Variants in COL21A1 observed in about 807,000 individuals in gnomAD.
COL21A1 encodes collagen type XXI alpha 1 chain, also known as collagen alpha-1(XXI) chain.
A neutral mutation model predicts 137.9 loss-of-function variants in COL21A1; 149 were observed. The ratio of observed to expected loss-of-function variants is 1.08; its 90% CI spans 0.95 to 1.24. The LOEUF is 1.24. Ranked by LOEUF, COL21A1 falls within the 50% of genes most tolerant of loss-of-function variation. The pLI, the probability that COL21A1 is intolerant of heterozygous loss-of-function variation, is 0.00. For missense variants in COL21A1, 1,167 were observed against 1,158.4 expected (o/e 1.01, Z -0.11); for synonymous variants, 456 against 391.5 (o/e 1.16, Z -1.95).
rs1286078327 is a variant in COL21A1 at position 56,061,012 on chromosome 6, A to T, written c.2231T>A (p.Val744Asp). The T allele has an allele frequency of 1.2e-6, 2 of 1,607,366 alleles. No homozygotes were observed. Among genetic ancestry groups the T allele is most frequent in the Middle Eastern group, 1.7e-4 (1 of 6,020 alleles). ...TCCTTTTGATCCAATGGCACCTCGGACACCAGGTTCTCCCTTTTCACCTCT... is the reference window on the plus strand; with the variant it reads ...TCCTTTTGATCCAATGGCACCTCGGTCACCAGGTTCTCCCTTTTCACCTCT... ...GERGEKGEPG[V>D]RGAIGSKGES... Residue 744 changes from valine (V) to aspartate (D), a missense_variant, in exon 26 of 30, where the codon GTC becomes GAC. By Grantham distance (152) the Val-to-Asp change is radical. Coordinates refer to ENST00000244728, the MANE Select transcript of COL21A1 (RefSeq NM_030820.4).
chr6:56,300,475 A>T (rs1485432753), intron 1 of COL21A1, among the ~76,000 whole-genome samples: 1 of 152,156 alleles, frequency 6.6e-6, no homozygotes, highest in Non-Finnish European at 1.5e-5. Context: ...AATGTCTTCT[A>T]AAAAACTGGG....
chr6:56,088,620 A>G (rs1768490974), intron 17 of COL21A1, among the ~76,000 whole-genome samples: 1 of 152,114 alleles, frequency 6.6e-6, no homozygotes, highest in Non-Finnish European at 1.5e-5. Context: ...ACCTCAATCT[A>G]TGGTACATAT....
intron 1 of COL21A1, among the ~76,000 whole-genome samples, chr6:56,279,858 C>T (rs572573495): frequency 3.7e-4 from 57 of 152,290 alleles, no homozygotes; most frequent in African/African-American, 1.3e-3. Flanking sequence ...ATCTGTAAGA[C>T]TACCAACCTC....
intron 1 of COL21A1, among the ~76,000 whole-genome samples, chr6:56,263,722 T>A (rs1300382233): frequency 3.9e-5 from 6 of 152,228 alleles, no homozygotes; most frequent in African/African-American, 1.4e-4. Flanking sequence ...AGTTCTATTT[T>A]GTTGTTACCC....
chr6:56,354,936 T>C (rs1765798218), intron 1 of COL21A1, among the ~76,000 whole-genome samples: 1 of 152,152 alleles, frequency 6.6e-6, no homozygotes, highest in South Asian at 2.1e-4. Flanking sequence ...GTAATCCTCA[T>C]TGGTCACCAT....
chr6:56,269,030 A>G (rs1045385945), intron 1 of COL21A1, among the ~76,000 whole-genome samples: 2 of 152,238 alleles, frequency 1.3e-5, no homozygotes, highest in Admixed American at 6.5e-5. Context: ...TCTGAGCTCA[A>G]AGACCAGTTC....
chr6:56,145,132 T>C (rs1357771572), intron 10 of COL21A1, among the ~76,000 whole-genome samples: 3 of 152,224 alleles, frequency 2.0e-5, no homozygotes, highest in African/African-American at 7.2e-5. Flanking sequence ...CCAGTCATCA[T>C]CTTTATGATT....
chr6:56,229,709 T>C lies in COL21A1; in HGVS notation c.-39+17678A>G, dbSNP rs369980364. ...TAAGGGTAAAGAGCTCTGGAGGTTC[T>C]CACACTGAAAATAAATGTTCCAGTG... On this transcript the variant is annotated intron_variant, in intron 1 of 29. Coordinates refer to ENST00000244728, the MANE Select transcript of COL21A1 (RefSeq NM_030820.4). Among the ~76,000 whole-genome samples the C allele has an allele frequency of 1.2e-4, 19 of 152,088 alleles. No homozygotes were observed. In the East Asian group the frequency reaches 2.3e-3, roughly 19 times the overall value.
chr6:56,335,396 CTA>C (rs1765313071), intron 1 of COL21A1, among the ~76,000 whole-genome samples: 1 of 152,162 alleles, frequency 6.6e-6, no homozygotes, highest in African/African-American at 2.4e-5. Flanking sequence ...ATTGCTATCT[CTA>C]GTGACAATCC....
intron 1 of COL21A1, among the ~76,000 whole-genome samples, chr6:56,255,875 A>G (rs1336202963): frequency 6.6e-6 from 1 of 152,124 alleles, no homozygotes; most frequent in African/African-American, 2.4e-5. Flanking sequence ...GTCTGAGAGG[A>G]GGGGACGGCA....
At chr6:56,255,412 T>C (rs1782945678) in intron 1 of COL21A1, among the ~76,000 whole-genome samples, 1 of 151,666 alleles carries the variant, frequency 6.6e-6, no homozygotes, top group African/African-American at 2.4e-5. Context: ...TCTAATTGCA[T>C]AGAGCGCTGT....
intron 1 of COL21A1, among the ~76,000 whole-genome samples, chr6:56,351,742 G>A (rs758031898): frequency 6.6e-6 from 1 of 152,188 alleles, no homozygotes; most frequent in Non-Finnish European, 1.5e-5. Flanking sequence ...AACCACTGCT[G>A]GAAGAAGGTG....
intron 1 of COL21A1, among the ~76,000 whole-genome samples, chr6:56,226,636 C>T (rs1365414736): frequency 6.6e-6 from 1 of 151,868 alleles, no homozygotes; most frequent in Non-Finnish European, 1.5e-5. Flanking sequence ...ACTGTGAAAC[C>T]CCATTTTCCT....
chr6:56,214,804 T>G (rs1458702573), intron 1 of COL21A1, among the ~76,000 whole-genome samples: 5 of 152,098 alleles, frequency 3.3e-5, no homozygotes, highest in African/African-American at 1.2e-4. Context: ...TTATTAAAAG[T>G]TTTTACCCTT....
intron 3 of COL21A1, among the ~76,000 whole-genome samples, chr6:56,172,867 T>C (rs779424791): frequency 3.9e-5 from 6 of 152,064 alleles, no homozygotes; most frequent in Admixed American, 1.3e-4. Context: ...TGATGTTTCA[T>C]GTAACCCCTA....
chr6:56,237,947 T>C (rs1388449224), intron 1 of COL21A1, among the ~76,000 whole-genome samples: 1 of 152,180 alleles, frequency 6.6e-6, no homozygotes, highest in African/African-American at 2.4e-5. Flanking sequence ...AATTCAATTA[T>C]GGTGTTTTTG....
At chr6:56,290,498 G>GTTTTTTTT (rs371058894) in intron 1 of COL21A1, among the ~76,000 whole-genome samples, 11,031 of 131,072 alleles carry the variant, frequency 0.084, 922 homozygotes, top group Non-Finnish European at 0.11. Context: ...TCACTTAGGA[G>GTTTTTTTT]ATTTTTTTTT....
chr6:56,152,935 G>A (rs751568844), intron 10 of COL21A1, among the ~76,000 whole-genome samples: 1 of 152,128 alleles, frequency 6.6e-6, no homozygotes, highest in Non-Finnish European at 1.5e-5. Context: ...GGGTCTGCAG[G>A]CTAAGGAGGC....
intron 1 of COL21A1, among the ~76,000 whole-genome samples, chr6:56,333,266 C>T (rs2894835): frequency 0.67 from 100,585 of 149,338 alleles, 34,266 homozygotes; most frequent in East Asian, 0.9. Context: ...TTCCTTTCAA[C>T]CCTTCATTTC....
Sources: gnomAD v4.1 joint callset for allele counts (sites outside exome capture counted in the v4.1 genomes callset) on GRCh38, gnomAD v4.1.1 for gene constraint, MANE v1.5 for transcripts, NCBI Gene and HGNC (gene_info 2026-07-23, HGNC 2026-07-21) for gene names.